RNLS: variants seen among roughly 807,000 people sequenced by gnomAD.
The protein encoded by RNLS is renalase, FAD dependent amine oxidase.
A neutral mutation model predicts 39.8 loss-of-function variants in RNLS; 39 were observed. The observed-to-expected ratio is 0.98, with a 90% CI of 0.76 to 1.28. RNLS has a LOEUF of 1.28. RNLS is among the 50% of genes most tolerant of loss of function. The pLI is 0.00. For missense variants in RNLS, 410 were observed against 413.3 expected, an observed-to-expected ratio of 0.99 and a Z score of 0.07; for synonymous variants, 147 against 150.7, an observed-to-expected ratio of 0.98 and a Z score of 0.18.
chr10:88,403,943 C>G (rs911227127), intron 4 of RNLS, among the ~76,000 whole-genome samples: 1 of 151,824 alleles, frequency 6.6e-6, no homozygotes, highest in Non-Finnish European at 1.5e-5. Flanking sequence ...ATTTGGAAGG[C>G]TGAGGCAGTA....
chr10:88,301,007 G>C (rs1045387558), intron 6 of RNLS, among the ~76,000 whole-genome samples: 1 of 152,130 alleles, frequency 6.6e-6, no homozygotes, highest in Non-Finnish European at 1.5e-5. Context: ...AATATATTTA[G>C]TATTTGCCCA....
intron 4 of RNLS, among the ~76,000 whole-genome samples, chr10:88,559,181 A>G (rs1849033402): frequency 6.6e-6 from 1 of 152,182 alleles, no homozygotes. Flanking sequence ...GTAGTATTTT[A>G]TCATTATATT....
chr10:88,402,756 G>A (rs554053715), intron 4 of RNLS, among the ~76,000 whole-genome samples: 3 of 151,838 alleles, frequency 2.0e-5, no homozygotes, highest in Non-Finnish European at 2.9e-5. Context: ...TTCCTGCACC[G>A]TTACTGAGTA....
At chr10:88,458,678 G>A (rs1842768899) in intron 4 of RNLS, among the ~76,000 whole-genome samples, 2 of 152,252 alleles carry the variant, frequency 1.3e-5, no homozygotes, top group African/African-American at 4.8e-5. Flanking sequence ...TGTCCCTACA[G>A]GGTCGAGAAG....
chr10:88,448,581 A>C (rs1331873443), intron 4 of RNLS, among the ~76,000 whole-genome samples: 2 of 152,238 alleles, frequency 1.3e-5, no homozygotes, highest in Non-Finnish European at 2.9e-5. Context: ...CCATTGTGGA[A>C]GACAGTGTGG....
At chr10:88,225,074 G>T in the RNLS span, among the ~76,000 whole-genome samples, 3 of 152,190 alleles carry the variant, frequency 2.0e-5, no homozygotes, top group Non-Finnish European at 2.9e-5. Flanking sequence ...TGATATCTGT[G>T]TGGATATTTG....
downstream of RNLS, among the ~76,000 whole-genome samples, chr10:88,269,401 C>T (rs979719389): frequency 6.6e-6 from 1 of 152,180 alleles, no homozygotes; most frequent in African/African-American, 2.4e-5. Context: ...AGTCCTCCCT[C>T]CCTAATTTCA....
chr10:88,579,887 T>C (rs1381109947), intron 3 of RNLS, among the ~76,000 whole-genome samples: 1 of 152,178 alleles, frequency 6.6e-6, no homozygotes, highest in African/African-American at 2.4e-5. Context: ...TAATGCAGAT[T>C]GCCCTCCCTA....
chr10:88,212,519 A>G, the RNLS span, among the ~76,000 whole-genome samples: 6 of 152,204 alleles, frequency 3.9e-5, no homozygotes, highest in Admixed American at 3.3e-4. Flanking sequence ...CATACTTTTA[A>G]TCATTCACTT....
At position 88,581,290 on chromosome 10, in the gene RNLS, GTGTGTA is replaced by G. The variant is rs1163925186; in HGVS notation, c.367+271_367+276del. ...AAGAAATATATATGTATGTGTGTGT[GTGTGTA>G]TATATATATATATATATATACATCT... is the stretch of plus-strand genomic sequence containing the variant. On this transcript the variant is annotated intron_variant, in intron 3 of 6. Transcript: ENST00000331772. Among the ~76,000 whole-genome samples the G allele has an allele frequency of 0.045, 6,040 of 135,360 alleles. 190 individuals are homozygous for G. Among genetic ancestry groups the G allele is most frequent in the East Asian group, 0.095 (472 of 4,976 alleles). The allele number at this position is 135,360 out of a possible 152,430, so 88.8% of individuals were successfully genotyped here.
At chr10:88,565,842 C>G (rs1160173901) in intron 4 of RNLS, among the ~76,000 whole-genome samples, 1 of 149,800 alleles carries the variant, frequency 6.7e-6, no homozygotes, top group Non-Finnish European at 1.5e-5. Flanking sequence ...CTCCGCCTCC[C>G]AGGTTCAAGC....
the RNLS span, among the ~76,000 whole-genome samples, chr10:88,242,427 T>G: frequency 1.3e-5 from 2 of 152,258 alleles, no homozygotes; most frequent in Non-Finnish European, 2.9e-5. Context: ...ATTTATAAAC[T>G]TATGCACTAT....
chr10:88,259,385 A>C, the RNLS span: 1 of 152,214 alleles, frequency 6.6e-6, no homozygotes, highest in Non-Finnish European at 1.5e-5. Flanking sequence ...GGTTATCATC[A>C]CCATGCCAGG....
chr10:88,266,738 C>CCA, the RNLS span, among the ~76,000 whole-genome samples: 95 of 147,392 alleles, frequency 6.4e-4, no homozygotes, highest in Non-Finnish European at 4.1e-4. Context: ...CACACACACC[C>CCA]CACACACACC....
chr10:88,544,867 T>G (rs571984735), intron 4 of RNLS, among the ~76,000 whole-genome samples: 1 of 152,304 alleles, frequency 6.6e-6, no homozygotes, highest in East Asian at 1.9e-4. Flanking sequence ...AAGGTTTGTT[T>G]TGAGTTTGAT....
chr10:88,516,974 C>T, intron 4 of RNLS, among the ~76,000 whole-genome samples: 1 of 151,904 alleles, frequency 6.6e-6, no homozygotes, highest in East Asian at 1.9e-4. Flanking sequence ...GAGATCAAGT[C>T]ATATCTAGTT....
chr10:88,230,594 C>T, the RNLS span, among the ~76,000 whole-genome samples: 1 of 152,250 alleles, frequency 6.6e-6, no homozygotes, highest in Non-Finnish European at 1.5e-5. Context: ...CCCTGCTCAA[C>T]TCTACTGCCT....
At chr10:88,395,559 G>A (rs546592155) in intron 4 of RNLS, among the ~76,000 whole-genome samples, 1 of 152,082 alleles carries the variant, frequency 6.6e-6, no homozygotes, top group Non-Finnish European at 1.5e-5. Flanking sequence ...CAAGTCTGAG[G>A]AGCAGAAGGA....
At chr10:88,481,939 T>C (rs1844203497) in intron 4 of RNLS, among the ~76,000 whole-genome samples, 1 of 152,174 alleles carries the variant, frequency 6.6e-6, no homozygotes, top group South Asian at 2.1e-4. Flanking sequence ...CTCCACTTTT[T>C]CAAGGCTAGT....
Sources: gnomAD v4.1 joint callset for allele counts (sites outside exome capture counted in the v4.1 genomes callset) on GRCh38, gnomAD v4.1.1 for gene constraint, MANE v1.5 for transcripts, NCBI Gene and HGNC (gene_info 2026-07-23, HGNC 2026-07-21) for gene names.